RNF111: variants seen among roughly 807,000 people sequenced by gnomAD.
The protein encoded by RNF111 is ring finger protein 111.
In RNF111, 17 loss-of-function variants were observed where a neutral mutation model predicts 95.1. The ratio of observed to expected loss-of-function variants is 0.18; its 90% CI spans 0.12 to 0.27. The LOEUF (loss-of-function observed/expected upper bound fraction) is 0.27. Ranked by LOEUF, RNF111 falls within the 10% of genes least tolerant of loss-of-function variation. The probability of loss-of-function intolerance (pLI) is 1.00; values close to 1 mark genes in which losing one functional copy is unlikely to be tolerated. For missense variants in RNF111, 1,189 were observed against 1,210.4 expected (o/e 0.98, Z 0.26); for synonymous variants, 440 against 414.8 (o/e 1.06, Z -0.74).
intron 1 of RNF111, among the ~76,000 whole-genome samples, chr15:58,997,210 C>A (rs1390857307): frequency 6.6e-6 from 1 of 152,138 alleles, no homozygotes; most frequent in African/African-American, 2.4e-5. Context: ...CAAGTCTTTT[C>A]TCTGAAGATG....
intron 13 of RNF111, among the ~76,000 whole-genome samples, chr15:59,094,140 C>A (rs563265213): frequency 6.6e-6 from 1 of 152,238 alleles, no homozygotes; most frequent in East Asian, 1.9e-4. Context: ...ATCATTACAT[C>A]TCCTTTTAAC....
At chr15:59,015,011 A>G (rs1257678901) in intron 1 of RNF111, among the ~76,000 whole-genome samples, 1 of 152,094 alleles carries the variant, frequency 6.6e-6, no homozygotes, top group East Asian at 1.9e-4. Context: ...GGCCTCCGTA[A>G]GTGCTGGGAT....
intron 9 of RNF111, 38 bp from the exon 10 acceptor site, chr15:59,085,621 C>T (rs1468918734): frequency 2.5e-6 from 4 of 1,598,242 alleles, no homozygotes; most frequent in African/African-American, 1.3e-5. Flanking sequence ...AAAAAAGAGA[C>T]CCTAAGGAGG....
chr15:59,004,152 A>C, intron 1 of RNF111: 1 of 1,212,878 alleles, frequency 8.2e-7, no homozygotes, highest in Non-Finnish European at 1.1e-6. Flanking sequence ...CATAGATGGC[A>C]GTTCTGGATT....
chr15:59,057,333 C>T (rs919132273), intron 4 of RNF111, among the ~76,000 whole-genome samples: 4 of 152,118 alleles, frequency 2.6e-5, no homozygotes, highest in Admixed American at 2.6e-4. Flanking sequence ...TTTTTATGTA[C>T]AAGCAATTTG....
At position 59,066,785 on chromosome 15, in the gene RNF111, C is replaced by T. The variant is rs1292443035; in HGVS notation, c.1388C>T (p.Ser463Phe). ...CAAGATGACTCAAGGAGAACTACAT[C>T]TAGTGCTGTAACGGAAACTGGCCCT... ...SIGDDSRRTT[S>F]SAVTETGPPA... The change falls in exon 6 of 14, where the codon TCT becomes TTT. Residue 463 changes from serine to phenylalanine, a missense_variant. Transcript: ENST00000348370. 2.5e-6 allele frequency: 4 copies of T among 1,613,682 alleles called. No homozygotes were observed. Among genetic ancestry groups the T allele is most frequent in the Non-Finnish European group, 2.5e-6 (3 of 1,179,830 alleles).
At chr15:59,080,119 T>TTTTA (rs2078694446) in intron 7 of RNF111, among the ~76,000 whole-genome samples, 1 of 138,034 alleles carries the variant, frequency 7.2e-6, no homozygotes, top group Non-Finnish European at 1.6e-5. Context: ...TGCTCCTTTT[T>TTTTA]TTTTTTTTTT....
At chr15:59,012,301 G>C (rs2039863722) in intron 1 of RNF111, among the ~76,000 whole-genome samples, 1 of 152,080 alleles carries the variant, frequency 6.6e-6, no homozygotes, top group Non-Finnish European at 1.5e-5. Flanking sequence ...TTACAGGCGT[G>C]AGCCACTGCA....
chr15:59,040,322 C>T (rs1224614915), intron 2 of RNF111, among the ~76,000 whole-genome samples: 1 of 151,700 alleles, frequency 6.6e-6, no homozygotes, highest in Non-Finnish European at 1.5e-5. Flanking sequence ...GAGATGAGAT[C>T]TTCTTAACGT....
intron 6 of RNF111, among the ~76,000 whole-genome samples, chr15:59,069,101 T>C (rs1206212504): frequency 1.5e-4 from 23 of 151,310 alleles, no homozygotes; most frequent in Admixed American, 1.5e-3. Flanking sequence ...AAAGGAGTTG[T>C]ATTCTCTTTG....
At chr15:58,988,460 G>A (rs1187043062) in intron 1 of RNF111, 1 of 152,486 alleles carries the variant, frequency 6.6e-6, no homozygotes, top group African/African-American at 2.4e-5. Flanking sequence ...CGGCTAGGGA[G>A]TCGCCTGCTG....
At chr15:59,021,101 A>G (rs1295167790) in intron 1 of RNF111, among the ~76,000 whole-genome samples, 1 of 151,944 alleles carries the variant, frequency 6.6e-6, no homozygotes, top group African/African-American at 2.4e-5. Context: ...CCTTTGTATC[A>G]TTCTTATGCC....
chr15:59,036,500 G>A (rs1372066972), intron 2 of RNF111, among the ~76,000 whole-genome samples: 1 of 152,188 alleles, frequency 6.6e-6, no homozygotes, highest in Non-Finnish European at 1.5e-5. Flanking sequence ...CTTGTGCAAG[G>A]AACTTGGCAT....
chr15:59,066,643 T>C (rs2042669292), intron 5 of RNF111, 121 bp from the exon 6 acceptor site: 3 of 822,838 alleles, frequency 3.6e-6, no homozygotes, highest in Non-Finnish European at 5.6e-6. Flanking sequence ...TCACATTATT[T>C]ACAGAGATTT....
Position 59,076,106 on chromosome 15 carries a change from A to T in RNF111, c.1839A>T (p.Gln613His), listed in dbSNP as rs1280175756. 16 of 1,613,896 alleles carry T rather than the reference A, an allele frequency of 9.9e-6. No individual in the cohort carries two copies. Among genetic ancestry groups the T allele is most frequent in the Non-Finnish European group, 1.4e-5 (16 of 1,180,018 alleles). The change falls in exon 7 of 14, where the codon CAA (glutamine) becomes CAT (histidine). Residue 613 changes from glutamine (Q) to histidine (H), a missense_variant. Gln to His is a conservative substitution (Grantham distance 24). Around this residue, in one of 2 missense-constraint regions of RNF111, gnomAD observed 1,024 missense variants for 925.9 expected, o/e 1.11. Coordinates refer to ENST00000348370, the MANE Select transcript of RNF111 (RefSeq NM_017610.8). ...AGGCCGCTGCTGCTGCCCCAAGTCA[A>T]CCTTTATCATCAATAGATGGCTATG... ...GHQAAAAAPS[Q>H]PLSSIDGYGS...
rs528955857 is a variant in RNF111, at chr15:59,043,100, T to C, written c.881-9205T>C. 2.6e-5 allele frequency among the ~76,000 whole-genome samples: 4 copies of C among 152,286 alleles called. No individual in the cohort carries two copies. In the East Asian group the frequency reaches 7.7e-4, roughly 29 times the overall value. On this transcript the variant is annotated intron_variant, in intron 2 of 13. Coordinates refer to ENST00000348370, the MANE Select transcript of RNF111 (RefSeq NM_017610.8). ...AAATTATTGAGGTATAATTAACTAC[T>C]ATAAAATTCATTTTAACTATTATAA...
At chr15:58,993,528 A>T (rs1406180657) in intron 1 of RNF111, among the ~76,000 whole-genome samples, 1 of 152,080 alleles carries the variant, frequency 6.6e-6, no homozygotes, top group Non-Finnish European at 1.5e-5. Flanking sequence ...ACAGAGTGAG[A>T]CTCCATCTCA....
intron 1 of RNF111, among the ~76,000 whole-genome samples, chr15:58,998,665 C>T (rs762057129): frequency 3.3e-5 from 5 of 152,042 alleles, no homozygotes; most frequent in Non-Finnish European, 7.4e-5. Context: ...TGAAGTGAGC[C>T]GTTCACTTCA....
intron 6 of RNF111, among the ~76,000 whole-genome samples, chr15:59,071,421 G>A (rs918592416): frequency 6.6e-6 from 1 of 152,088 alleles, no homozygotes; most frequent in Non-Finnish European, 1.5e-5. Flanking sequence ...AGTGGCTTAC[G>A]CCTGAAATCC....
Sources: allele counts gnomAD v4.1 joint callset (sites outside exome capture counted in the v4.1 genomes callset), GRCh38; gene constraint gnomAD v4.1.1; regional missense constraint gnomAD v4.1.1; transcripts MANE v1.5; gene names NCBI Gene and HGNC (gene_info 2026-07-23, HGNC 2026-07-21).